The following ZNF385D variants were observed in gnomAD, a reference collection of about 807,000 sequenced individuals.
The protein encoded by ZNF385D is zinc finger protein 385D.
ZNF385D carries 15 observed loss-of-function variants against 35.8 expected under a neutral mutation model. The ratio of observed to expected loss-of-function variants is 0.42; its 90% CI spans 0.28 to 0.64. The LOEUF (loss-of-function observed/expected upper bound fraction) is 0.64, where lower values mean the gene tolerates loss of function less well. Ranked by LOEUF, ZNF385D falls within the 30% of genes least tolerant of loss-of-function variation. The pLI is 0.23. For synonymous variants in ZNF385D, 212 were observed against 186.8 expected (o/e 1.13, Z -1.10); for missense variants, 474 against 494.6 (o/e 0.96, Z 0.39).
At chr3:21,644,252 G>A (rs1043110960) in intron 2 of ZNF385D, among the ~76,000 whole-genome samples, 4 of 152,058 alleles carry the variant, frequency 2.6e-5, no homozygotes, top group African/African-American at 7.2e-5. Flanking sequence ...ATAAATGTGA[G>A]CTATATACAC....
At chr3:21,474,301 C>T (rs1367460202) in intron 4 of ZNF385D, among the ~76,000 whole-genome samples, 4 of 152,110 alleles carry the variant, frequency 2.6e-5, no homozygotes, top group African/African-American at 4.8e-5. Context: ...TACAACTATA[C>T]ACCTTGTGAG....
chr3:22,099,892 G>C (rs148742704), intron 3 of ZNF385D, among the ~76,000 whole-genome samples: 14 of 135,484 alleles, frequency 1.0e-4, no homozygotes, highest in African/African-American at 3.9e-4. Flanking sequence ...CCAAAGAACT[G>C]AGATCCTGGT....
In ZNF385D at chr3:22,361,123, T is replaced by A. The variant is rs181549683; in HGVS notation, c.106+11327A>T. The stretch of plus-strand genomic sequence containing the variant: ...GGAAAGCAGTTAAGTTGCCAGGTTT[T>A]GAATTATCAAAGGGATGATGTAAAA... On this transcript the variant is annotated intron_variant, in intron 2 of 5. Transcript: ENST00000494108. Among the ~76,000 whole-genome samples the A allele has an allele frequency of 2.8e-4, 42 of 152,192 alleles. 1 individual carries two copies. In the South Asian group the frequency reaches 8.3e-3, roughly 30 times the overall value.
chr3:22,146,425 G>C (rs1469919980), intron 3 of ZNF385D, among the ~76,000 whole-genome samples: 6 of 152,000 alleles, frequency 3.9e-5, no homozygotes, highest in Admixed American at 3.9e-4. Context: ...GTATGTTTTT[G>C]TTTGCTTTCC....
chr3:22,246,885 G>A (rs1175686971), intron 2 of ZNF385D, among the ~76,000 whole-genome samples: 2 of 151,998 alleles, frequency 1.3e-5, no homozygotes, highest in African/African-American at 4.8e-5. Context: ...TGATTTTTCA[G>A]AACATTCTCT....
intron 2 of ZNF385D, among the ~76,000 whole-genome samples, chr3:22,210,971 A>C (rs181072880): frequency 2.1e-4 from 32 of 152,106 alleles, no homozygotes; most frequent in Admixed American, 1.8e-3. Context: ...ATATTCCTTA[A>C]AACAAGTTTT....
chr3:22,083,794 G>C (rs1700887969), intron 3 of ZNF385D, among the ~76,000 whole-genome samples: 1 of 152,168 alleles, frequency 6.6e-6, no homozygotes, highest in East Asian at 1.9e-4. Flanking sequence ...ATTCACCAGG[G>C]TTGAAATGAA....
chr3:22,310,374 TCTC>T (rs1334617332), intron 2 of ZNF385D, among the ~76,000 whole-genome samples: 1 of 152,004 alleles, frequency 6.6e-6, no homozygotes, highest in Non-Finnish European at 1.5e-5. Context: ...ACATGATAAC[TCTC>T]ATCATTACTA....
At chr3:22,031,204 C>G (rs930258666) in intron 3 of ZNF385D, among the ~76,000 whole-genome samples, 1 of 152,208 alleles carries the variant, frequency 6.6e-6, no homozygotes, top group African/African-American at 2.4e-5. Context: ...TTTCTAGGGT[C>G]TGAAGAATGG....
At chr3:21,736,650 C>T (rs996527032) in intron 1 of ZNF385D, among the ~76,000 whole-genome samples, 18 of 152,088 alleles carry the variant, frequency 1.2e-4, no homozygotes, top group Non-Finnish European at 1.8e-4. Context: ...GCACCACTGC[C>T]TTTTTGAATA....
rs370095870 is a variant in ZNF385D, at chr3:22,125,008, A to T, written c.325+43809T>A. Among the ~76,000 whole-genome samples the T allele has an allele frequency of 6.6e-5, 10 of 152,252 alleles. 1 individual carries two copies. The highest frequency in any genetic ancestry group is 3.9e-4 in the East Asian group (2 of 5,172). ...ATATTTTCCCAGACCAACATCCTGGAAAGTTTCCCCAAGGTTTTATTTTAG... is the reference window on the plus strand; with the variant it reads ...ATATTTTCCCAGACCAACATCCTGGTAAGTTTCCCCAAGGTTTTATTTTAG... On this transcript the variant is annotated intron_variant, in intron 3 of 5. Coordinates refer to the ZNF385D transcript ENST00000494108.
rs573729388 is a variant in ZNF385D at position 21,526,740 on chromosome 3, T to C, written c.277-15717A>G. ...GACAATTTAATGCTAATTCATTCAC[T>C]GGAACAATAGATTTTGAAAACAATA... On this transcript the variant is annotated intron_variant, in intron 3 of 7. Transcript: ENST00000281523. Among the ~76,000 whole-genome samples the C allele has an allele frequency of 4.2e-4, 64 of 152,292 alleles. 2 individuals carry two copies. The South Asian group carries it at 0.012, about 29-fold the overall frequency.
chr3:21,556,861 G>GTAGT (rs2062758752), intron 3 of ZNF385D, among the ~76,000 whole-genome samples: 1 of 152,148 alleles, frequency 6.6e-6, no homozygotes, highest in South Asian at 2.1e-4. Context: ...GCAGTGGTTT[G>GTAGT]TAGTTATCCT....
At chr3:21,992,032 G>T (rs531209114) in intron 3 of ZNF385D, among the ~76,000 whole-genome samples, 2 of 152,120 alleles carry the variant, frequency 1.3e-5, no homozygotes, top group African/African-American at 4.8e-5. Flanking sequence ...CTCATCTCTG[G>T]AATGAGAATA....
chr3:22,204,593 G>C (rs1331362942), intron 2 of ZNF385D, among the ~76,000 whole-genome samples: 1 of 151,886 alleles, frequency 6.6e-6, no homozygotes, highest in Admixed American at 6.6e-5. Flanking sequence ...CTGTGTTAAG[G>C]AAACTCAAAG....
chr3:21,542,345 C>CG (rs1553608954), intron 3 of ZNF385D, among the ~76,000 whole-genome samples: 2 of 142,990 alleles, frequency 1.4e-5, no homozygotes, highest in Non-Finnish European at 3.0e-5. Context: ...TCTTCTCTTT[C>CG]TTTTTTTTTT....
intron 2 of ZNF385D, among the ~76,000 whole-genome samples, chr3:21,592,366 T>A (rs2063999807): frequency 2.0e-5 from 3 of 147,046 alleles, no homozygotes; most frequent in Non-Finnish European, 3.0e-5. Flanking sequence ...TGATTTAGTA[T>A]TCTTGTGAAA....
intron 3 of ZNF385D, among the ~76,000 whole-genome samples, chr3:21,854,299 C>T (rs1246144264): frequency 6.6e-6 from 1 of 151,926 alleles, no homozygotes; most frequent in Non-Finnish European, 1.5e-5. Context: ...CAATGCCCAC[C>T]TCCACTTATT....
At chr3:22,202,522 G>C (rs1696867510) in intron 2 of ZNF385D, among the ~76,000 whole-genome samples, 1 of 152,076 alleles carries the variant, frequency 6.6e-6, no homozygotes, top group Admixed American at 6.6e-5. Flanking sequence ...TCTACTGACT[G>C]TCCTCCTTGC....
Sources: allele counts gnomAD v4.1 joint callset (sites outside exome capture counted in the v4.1 genomes callset), GRCh38; gene constraint gnomAD v4.1.1; transcripts MANE v1.5; gene names NCBI Gene and HGNC (gene_info 2026-07-23, HGNC 2026-07-21).